Variants in CTSD observed in about 807,000 individuals in gnomAD.
CTSD encodes the protein cathepsin D.
CTSD carries 28 observed loss-of-function variants against 43.6 expected under a neutral mutation model. The observed-to-expected ratio is 0.64, with a 90% CI of 0.48 to 0.88. The LOEUF (loss-of-function observed/expected upper bound fraction) is 0.88, where lower values mean the gene tolerates loss of function less well. Ranked by LOEUF, CTSD falls within the 40% of genes least tolerant of loss-of-function variation. CTSD has a pLI of 0.00. For synonymous variants in CTSD, 270 were observed against 249.8 expected, an observed-to-expected ratio of 1.08 and a Z score of -0.76; for missense variants, 485 against 555.2, an observed-to-expected ratio of 0.87 and a Z score of 1.27.
At position 1,763,887 on chromosome 11, in the gene CTSD, C is replaced by A. The variant is rs1316410545; in HGVS notation, c.-28G>T. The A allele has an allele frequency of 6.6e-6, 10 of 1,516,024 alleles. No homozygotes were observed. Among genetic ancestry groups the A allele is most frequent in the South Asian group, 1.2e-5 (1 of 81,896 alleles). 93.9% of individuals were successfully genotyped at this position (1,516,024 alleles called of 1,614,324 possible). A position where few individuals can be genotyped will look rare whatever the true frequency, so the allele number is the denominator to read the frequency against. ...CGGCGGCGGCCGGGTCGGAGAGGGTCGCCGAGGCCGTGCGCTTATAGCCGG... is the reference window on the plus strand; with the variant it reads ...CGGCGGCGGCCGGGTCGGAGAGGGTAGCCGAGGCCGTGCGCTTATAGCCGG... On this transcript the variant is annotated 5_prime_UTR_variant, in exon 1 of 9. Transcript: ENST00000236671.
intron 1 of CTSD, among the ~76,000 whole-genome samples, chr11:1,762,766 G>C (rs553587449): frequency 4.6e-5 from 7 of 152,292 alleles, no homozygotes; most frequent in Admixed American, 1.3e-4. Flanking sequence ...GGATAGGCTG[G>C]CAAGGTCAAG....
At chr11:1,759,218 G>A in intron 3 of CTSD, 131 bp from the exon 4 acceptor site, 1 of 895,590 alleles carries the variant, frequency 1.1e-6, no homozygotes. Flanking sequence ...GGATTTGGAG[G>A]GGATCTGAGG....
intron 1 of CTSD, chr11:1,763,030 G>C (rs1170243435): frequency 6.6e-6 from 1 of 152,410 alleles, no homozygotes. Flanking sequence ...CCCCTCCTGG[G>C]AATGCGGGCT....
chr11:1,759,765 G>T, intron 2 of CTSD, 126 bp from the exon 3 acceptor site: 1 of 1,018,928 alleles, frequency 9.8e-7, no homozygotes, highest in Non-Finnish European at 1.4e-6. Flanking sequence ...GGGGCCCACA[G>T]CTGCCAACAG....
rs769758232 is a variant in CTSD, at chr11:1,753,866, G to T, written c.1008C>A (p.Pro336=). Residue 336 remains proline, a synonymous_variant, in exon 8 of 9, where the codon CCC becomes CCA. Coordinates refer to ENST00000236671, the MANE Select transcript of CTSD (RefSeq NM_001909.5). ...MIPCEKVSTL[P]AITLKLGGKG... ...TGCCTCCCAGCTTCAGTGTGATCGC[G>T]GGCAGGGTGGACACCTTCTCACAGG... 2.5e-6 allele frequency: 4 copies of T among 1,613,588 alleles called. No individual in the cohort carries two copies. The highest frequency in any genetic ancestry group is 3.4e-6 in the Non-Finnish European group (4 of 1,179,688).
chr11:1,754,217 C>A, intron 6 of CTSD, 79 bp from the exon 7 acceptor site: 2 of 1,516,898 alleles, frequency 1.3e-6, no homozygotes, highest in Non-Finnish European at 1.8e-6. Context: ...CTGGGAGCCC[C>A]TCCCCTGGCT....
intron 6 of CTSD, 110 bp from the exon 7 acceptor site, chr11:1,754,248 C>T (rs1845767718): frequency 1.5e-6 from 2 of 1,323,742 alleles, no homozygotes; most frequent in Non-Finnish European, 2.1e-6. Flanking sequence ...CTCCTCCCCT[C>T]AGGGCTCCTG....
Position 1,754,757 on chromosome 11 carries a change from G to A in CTSD, c.827+149C>T, listed in dbSNP as rs1845788910. 10 of 978,760 alleles carry A rather than the reference G, an allele frequency of 1.0e-5. No individual in the cohort carries two copies. In the East Asian group the frequency reaches 2.5e-4, roughly 25 times the overall value. The allele number at this position is 978,760 out of a possible 1,614,324, so 60.6% of individuals were successfully genotyped here. On this transcript the variant is annotated intron_variant, in intron 6 of 8. Transcript: ENST00000236671. ...AGCATGGAGGGGCAAGGAGGGGCATGGAGGGCTGGTCTGACCCCATCTCTT... is the reference window on the plus strand; with the variant it reads ...AGCATGGAGGGGCAAGGAGGGGCATAGAGGGCTGGTCTGACCCCATCTCTT...
Position 1,753,863 on chromosome 11 carries a change from C to G in CTSD, c.1011G>C (p.Ala337=). 2 of 1,613,628 alleles carry G rather than the reference C, an allele frequency of 1.2e-6. No homozygotes were observed. The highest frequency in any genetic ancestry group is 8.5e-7 in the Non-Finnish European group (1 of 1,179,718). The change falls in exon 8 of 9, where the codon GCG becomes GCC. Residue 337 remains alanine (A), a synonymous_variant. Coordinates refer to ENST00000236671, the MANE Select transcript of CTSD (RefSeq NM_001909.5). ...IPCEKVSTLP[A]ITLKLGGKGY... ...CTTTGCCTCCCAGCTTCAGTGTGAT[C>G]GCGGGCAGGGTGGACACCTTCTCAC...
Position 1,753,620 on chromosome 11 carries a change from G to A in CTSD, c.1122C>T (p.Asp374=), listed in dbSNP as rs145821780. The change falls in exon 9 of 9, where the codon GAC becomes GAT. Residue 374 remains aspartate, a synonymous_variant. Transcript: ENST00000236671. ...AGAGTGGCCCGCTGGGTGGCGGGATGTCCATGCCCATGAAGCCGCTCAGGC... is the reference window on the plus strand; with the variant it reads ...AGAGTGGCCCGCTGGGTGGCGGGATATCCATGCCCATGAAGCCGCTCAGGC... ...TLCLSGFMGM[D]IPPPSGPLWI... The A allele has an allele frequency of 1.7e-4, 274 of 1,612,846 alleles. No homozygotes were observed. The highest frequency in any genetic ancestry group is 2.1e-4 in the Non-Finnish European group (253 of 1,179,908).
rs1038637095 is a variant in CTSD at position 1,753,311 on chromosome 11, G to A, written c.*192C>T. The A allele has an allele frequency of 1.5e-6, 1 of 659,968 alleles. No individual in the cohort carries two copies. Among genetic ancestry groups the A allele is most frequent in the Non-Finnish European group, 2.7e-6 (1 of 369,142 alleles). 40.9% of individuals were successfully genotyped at this position (659,968 alleles called of 1,614,324 possible). On this transcript the variant is annotated 3_prime_UTR_variant, in exon 9 of 9. Transcript: ENST00000236671. ...AGATGGAGAGACAGACAGGCAGGCA[G>A]CATTTCTGAACCCAGGGAGGGGAAA...
At position 1,753,464 on chromosome 11, in the gene CTSD, C is replaced by G; in HGVS notation, c.*39G>C. 6.2e-7 allele frequency: 1 copy of G among 1,612,176 alleles called. No individual in the cohort carries two copies. Among genetic ancestry groups the G allele is most frequent in the Non-Finnish European group, 8.5e-7 (1 of 1,179,330 alleles). On this transcript the variant is annotated 3_prime_UTR_variant, in exon 9 of 9. Coordinates refer to ENST00000236671, the MANE Select transcript of CTSD (RefSeq NM_001909.5). ...GCCAGGGGCCTCCTGCTCTGGGACT[C>G]TCCTCTGTTTCTGTGCTGGCGCGCG...
intron 5 of CTSD, among the ~76,000 whole-genome samples, chr11:1,756,789 C>T (rs901315576): frequency 1.3e-5 from 2 of 152,208 alleles, no homozygotes; most frequent in Non-Finnish European, 2.9e-5. Context: ...GAAGGAAGGG[C>T]CCCCTATGTT....
In CTSD at chr11:1,753,561, T is replaced by C; in HGVS notation, c.1181A>G (p.Tyr394Cys). ...GTTGTTGTCACGGTCAAACACAGTGTAGTAGCGGCCGATGAAGACGTCGCC... is the reference window on the plus strand; with the variant it reads ...GTTGTTGTCACGGTCAAACACAGTGCAGTAGCGGCCGATGAAGACGTCGCC... The part of the protein sequence containing the change: ...ILGDVFIGRY[Y>C]TVFDRDNNRV... The change falls in exon 9 of 9, where the codon TAC becomes TGC. Residue 394 changes from tyrosine (Y) to cysteine (C), a missense_variant. Tyr to Cys is a radical substitution (Grantham distance 194, BLOSUM62 -2). Transcript: ENST00000236671. 4 of 1,613,030 alleles carry C rather than the reference T, an allele frequency of 2.5e-6. No individual in the cohort carries two copies. Among genetic ancestry groups the C allele is most frequent in the Non-Finnish European group, 3.4e-6 (4 of 1,179,910 alleles).
chr11:1,757,319 C>A lies in CTSD; in HGVS notation c.704+5G>T. 1 of 1,611,670 alleles carries A rather than the reference C, an allele frequency of 6.2e-7. No individual in the cohort carries two copies. The highest frequency in any genetic ancestry group is 8.5e-7 in the Non-Finnish European group (1 of 1,178,350). ...CGCGGAGCGAGAGGGAACCCACACG[C>A]CCACCTGCTCAGGTAGAAGGAGAAG... On this transcript the variant is annotated splice_donor_5th_base_variant and intron_variant, in intron 5 of 8. Transcript: ENST00000236671.
rs1565018332 is a variant in CTSD, at chr11:1,753,457, T to G, written c.*46A>C. The G allele has an allele frequency of 2.5e-6, 4 of 1,610,996 alleles. No homozygotes were observed. In the South Asian group the frequency reaches 4.4e-5, roughly 18 times the overall value. On this transcript the variant is annotated 3_prime_UTR_variant, in exon 9 of 9. Transcript: ENST00000236671. ...CCGCTGGGCCAGGGGCCTCCTGCTC[T>G]GGGACTCTCCTCTGTTTCTGTGCTG... is the stretch of plus-strand genomic sequence containing the variant.
rs1293409262 is a variant in CTSD, at chr11:1,754,500, G to GGGGATGGA, written c.828-370_828-363dup. On this transcript the variant is annotated intron_variant, in intron 6 of 8. Coordinates refer to ENST00000236671, the MANE Select transcript of CTSD (RefSeq NM_001909.5). ...GTCATGGAGAGTCACAGAGGGATGT[G>GGGGATGGA]GGGATGGAGGGATGGAGGGATGGAG... Among the ~76,000 whole-genome samples, 28 of 121,002 alleles carry GGGGATGGA rather than the reference G, an allele frequency of 2.3e-4. 1 individual carries two copies. The highest frequency in any genetic ancestry group is 4.0e-4 in the African/African-American group (12 of 29,754). The allele number at this position is 121,002 out of a possible 152,430, so 79.4% of individuals were successfully genotyped here.
intron 6 of CTSD, among the ~76,000 whole-genome samples, chr11:1,754,546 T>TGGAGGGGATGGAGGGAG (rs1845782097): frequency 2.7e-5 from 1 of 37,446 alleles, no homozygotes; most frequent in Non-Finnish European, 5.3e-5. Context: ...GATGGAGGGA[T>TGGAGGGGATGGAGGGAG]GGAGGGGATG....
chr11:1,762,643 G>A (rs1020212336), intron 1 of CTSD, among the ~76,000 whole-genome samples: 5 of 152,126 alleles, frequency 3.3e-5, no homozygotes, highest in Non-Finnish European at 7.4e-5. Context: ...AGTATCAGTC[G>A]CACAAGAGCT....
Sources: allele counts gnomAD v4.1 joint callset (sites outside exome capture counted in the v4.1 genomes callset), GRCh38; gene constraint gnomAD v4.1.1; transcripts MANE v1.5; gene names NCBI Gene and HGNC (gene_info 2026-07-23, HGNC 2026-07-21).